CLEC9A: variants seen among roughly 807,000 people sequenced by gnomAD.
CLEC9A encodes the protein C-type lectin domain containing 9A.
A neutral mutation model predicts 30.0 loss-of-function variants in CLEC9A; 24 were observed. The ratio of observed to expected loss-of-function variants is 0.80; its 90% CI spans 0.58 to 1.13. CLEC9A has a LOEUF of 1.13. Among genes scored for constraint, CLEC9A ranks in the 50% most tolerant of loss-of-function variants. CLEC9A has a pLI of 0.00. For missense variants in CLEC9A, 251 were observed against 280.9 expected (o/e 0.89, Z 0.76); for synonymous variants, 111 against 96.8 (o/e 1.15, Z -0.86).
At chr12:10,039,074 C>T (rs150332929) in intron 1 of CLEC9A, among the ~76,000 whole-genome samples, 607 of 152,322 alleles carry the variant, frequency 4.0e-3, no homozygotes, top group African/African-American at 0.013. Context: ...TTCCCCATAG[C>T]TAACCCATAC....
chr12:10,038,341 A>C lies in CLEC9A; in HGVS notation c.-317-3125A>C, dbSNP rs1346721898. Among the ~76,000 whole-genome samples, 4 of 152,174 alleles carry C rather than the reference A, an allele frequency of 2.6e-5. No individual in the cohort carries two copies. In the East Asian group the frequency reaches 7.7e-4, roughly 29 times the overall value. ...ATAATTTGAAGAGTGTAGAGAAAGA[A>C]ATTTTAGAATGGAAGACCATTTTAA... On this transcript the variant is annotated intron_variant, in intron 1 of 8. Transcript: ENST00000355819.
chr12:10,039,636 T>C (rs1309393816), intron 1 of CLEC9A, among the ~76,000 whole-genome samples: 2 of 152,226 alleles, frequency 1.3e-5, no homozygotes, highest in African/African-American at 4.8e-5. Context: ...CATCCCACTT[T>C]GTTTACTAAA....
Position 10,061,125 on chromosome 12 carries a change from A to T in CLEC9A, c.173-2A>T. ...ATTAGGAATGATTGCTATCATGTGA[A>T]GTGTTGCAGGTGTCCACCATTGCGA... On this transcript the variant is annotated splice_acceptor_variant, in intron 5 of 8. Coordinates refer to ENST00000355819, the MANE Select transcript of CLEC9A (RefSeq NM_207345.4). LOFTEE classifies it high-confidence loss of function. 1 of 1,607,876 alleles carries T rather than the reference A, an allele frequency of 6.2e-7. No individual in the cohort carries two copies. Among genetic ancestry groups the T allele is most frequent in the Middle Eastern group, 1.7e-4 (1 of 6,056 alleles).
intron 1 of CLEC9A, among the ~76,000 whole-genome samples, chr12:10,032,169 T>C (rs1040803926): frequency 3.9e-5 from 6 of 152,328 alleles, no homozygotes; most frequent in African/African-American, 1.4e-4. Context: ...TAAAAAGGCA[T>C]AGCCACTTTG....
chr12:10,046,955 A>T (rs1865851971), intron 2 of CLEC9A, among the ~76,000 whole-genome samples: 1 of 152,212 alleles, frequency 6.6e-6, no homozygotes, highest in Non-Finnish European at 1.5e-5. Context: ...ACCTCATTTA[A>T]TATGACTATA....
intron 2 of CLEC9A, among the ~76,000 whole-genome samples, chr12:10,049,144 A>G (rs761989672): frequency 4.3e-5 from 6 of 141,058 alleles, no homozygotes; most frequent in East Asian, 2.0e-4. Flanking sequence ...ATATTTTGAG[A>G]AAAAAAAAAG....
chr12:10,044,520 G>A (rs937951499), intron 2 of CLEC9A, among the ~76,000 whole-genome samples: 9 of 152,058 alleles, frequency 5.9e-5, no homozygotes, highest in South Asian at 2.1e-4. Flanking sequence ...AATCAAACTC[G>A]TTTTTTTATC....
At chr12:10,053,055 A>G (rs765550042) in intron 4 of CLEC9A, among the ~76,000 whole-genome samples, 8 of 152,222 alleles carry the variant, frequency 5.3e-5, no homozygotes, top group Non-Finnish European at 1.0e-4. Flanking sequence ...AAAAAATACA[A>G]CTTCAATTAA....
chr12:10,064,796 AG>A lies in CLEC9A; in HGVS notation c.538del (p.Asp180MetfsTer35). The A allele has an allele frequency of 6.2e-7, 1 of 1,613,690 alleles. No homozygotes were observed. Among genetic ancestry groups the A allele is most frequent in the Non-Finnish European group, 8.5e-7 (1 of 1,179,752 alleles). ...TATGATTACTGGGTGGGGTTGTCTC[AG>A]GATGGACACAGCGGACGCTGGCTTT... ...GSYDYWVGLSQDGHSGRWLWQ... is the reference protein window; with the variant it reads ...GSYDYWVGLSXDGHSGRWLWQ... On this transcript the variant is annotated frameshift_variant, in exon 8 of 9. Coordinates refer to ENST00000355819, the MANE Select transcript of CLEC9A (RefSeq NM_207345.4). LOFTEE classifies it high-confidence loss of function.
chr12:10,054,352 G>GT lies in CLEC9A; in HGVS notation c.172+2dup. On this transcript the variant is annotated splice_donor_variant, in intron 5 of 8. Coordinates refer to ENST00000355819, the MANE Select transcript of CLEC9A (RefSeq NM_207345.4). LOFTEE classifies it high-confidence loss of function. ...GCATCCATTTTCTTGGGCGTCAAGTGTAAGTACTAAAAGATATTTTCAAAA... is the reference window on the plus strand; with the variant it reads ...GCATCCATTTTCTTGGGCGTCAAGTGTTAAGTACTAAAAGATATTTTCAAAA... 1.3e-6 allele frequency: 2 copies of GT among 1,593,822 alleles called. No homozygotes were observed. The highest frequency in any genetic ancestry group is 2.2e-5 in the South Asian group (2 of 90,194).
intron 2 of CLEC9A, among the ~76,000 whole-genome samples, chr12:10,050,524 A>G (rs180911893): frequency 2.5e-4 from 38 of 152,372 alleles, no homozygotes; most frequent in Non-Finnish European, 4.6e-4. Flanking sequence ...GTTCTTGAAA[A>G]TAGTACTCGG....
chr12:10,056,084 A>AT (rs398018384), intron 5 of CLEC9A, among the ~76,000 whole-genome samples: 1 of 148,580 alleles, frequency 6.7e-6, no homozygotes, highest in Non-Finnish European at 1.5e-5. Context: ...AAAAAAAAAA[A>AT]GATACACTCT....
chr12:10,055,320 A>T (rs1426169392), intron 5 of CLEC9A, among the ~76,000 whole-genome samples: 2 of 152,216 alleles, frequency 1.3e-5, no homozygotes, highest in African/African-American at 2.4e-5. Context: ...CACATATTAA[A>T]TACCTGTGGA....
At chr12:10,060,533 C>T (rs1865987452) in intron 5 of CLEC9A, 1 of 152,160 alleles carries the variant, frequency 6.6e-6, no homozygotes, top group Admixed American at 6.6e-5. Context: ...TAGTGATTGC[C>T]AGGAGTGAAC....
rs117997525 is a variant in CLEC9A, at chr12:10,052,891, G to T, written c.91+113G>T. The T allele has an allele frequency of 2.5e-4, 292 of 1,162,682 alleles. 1 individual carries two copies. In the East Asian group the frequency reaches 7.0e-3, roughly 28 times the overall value. The allele number at this position is 1,162,682 out of a possible 1,614,324, so 72.0% of individuals were successfully genotyped here. The stretch of plus-strand genomic sequence containing the variant: ...CTAATCCGAGATAATCTACCTAAGG[G>T]TACTGTAATGTCCGTGAAATGCTAA... On this transcript the variant is annotated intron_variant, in intron 4 of 8. Coordinates refer to ENST00000355819, the MANE Select transcript of CLEC9A (RefSeq NM_207345.4).
chr12:10,065,667 T>C lies in CLEC9A; in HGVS notation c.*35T>C. The stretch of plus-strand genomic sequence containing the variant: ...TGTTCAAAGTGTTCTATTACACTGT[T>C]ATTTGGAGCATGCCATTGGAAAACC... On this transcript the variant is annotated 3_prime_UTR_variant, in exon 9 of 9. Transcript: ENST00000355819. 2 of 1,606,914 alleles carry C rather than the reference T, an allele frequency of 1.2e-6. No individual in the cohort carries two copies. Among genetic ancestry groups the C allele is most frequent in the Non-Finnish European group, 8.5e-7 (1 of 1,175,394 alleles).
At chr12:10,037,473 C>T (rs867858345) in intron 1 of CLEC9A, among the ~76,000 whole-genome samples, 5 of 141,416 alleles carry the variant, frequency 3.5e-5, no homozygotes, top group Non-Finnish European at 7.4e-5. Flanking sequence ...AGGGCACTGA[C>T]TATGAAGAGG....
chr12:10,052,640 T>A lies in CLEC9A; in HGVS notation c.-48T>A. 6.2e-7 allele frequency: 1 copy of A among 1,601,514 alleles called. No individual in the cohort carries two copies. Among genetic ancestry groups the A allele is most frequent in the African/African-American group, 1.3e-5 (1 of 74,330 alleles). ...GCTCCAAACCACAAGAGGAGTTACTTGTTCCAGCCTCCTGTGTGGACTGCT... is the reference window on the plus strand; with the variant it reads ...GCTCCAAACCACAAGAGGAGTTACTAGTTCCAGCCTCCTGTGTGGACTGCT... On this transcript the variant is annotated 5_prime_UTR_variant, in exon 4 of 9. Transcript: ENST00000355819.
chr12:10,034,052 T>C (rs1865724111), intron 1 of CLEC9A, among the ~76,000 whole-genome samples: 2 of 152,216 alleles, frequency 1.3e-5, no homozygotes, highest in Admixed American at 1.3e-4. Flanking sequence ...ATTAGGTGAG[T>C]ATGCCTGACC....
Sources: allele counts gnomAD v4.1 joint callset (sites outside exome capture counted in the v4.1 genomes callset), GRCh38; gene constraint gnomAD v4.1.1; transcripts MANE v1.5; gene names NCBI Gene and HGNC (gene_info 2026-07-23, HGNC 2026-07-21).